Variants in KANK3 observed in about 807,000 individuals in gnomAD.
KANK3 encodes KN motif and ankyrin repeat domain-containing protein 3.
In KANK3, 61 loss-of-function variants were observed where a neutral mutation model predicts 65.4. That is an observed-to-expected ratio of 0.93 (90% CI 0.76 to 1.15). The LOEUF is 1.15. KANK3 is among the 50% of genes most tolerant of loss of function. The pLI is 0.00. For missense variants in KANK3, 1,187 were observed against 1,178.8 expected (o/e 1.01, Z -0.10); for synonymous variants, 586 against 543.3 (o/e 1.08, Z -1.09).
Position 8,334,624 on chromosome 19 carries a change from G to T in KANK3, c.1203C>A (p.Thr401=), listed in dbSNP as rs1187779009. Residue 401 remains threonine, a synonymous_variant, in exon 3 of 11, where the codon ACC becomes ACA. Transcript: ENST00000330915. Reference sequence around the variant, plus strand: ...CGGCACAGCTCCACGGGGTCTGGGTGGTGGCCTCGCGTAGCTGGGCCCGGG... The same window carrying T: ...CGGCACAGCTCCACGGGGTCTGGGTTGTGGCCTCGCGTAGCTGGGCCCGGG... ...AGARAQLREA[T]TQTPWSCAEK... is the part of the protein sequence containing the mutation. 1.3e-6 allele frequency: 2 copies of T among 1,563,976 alleles called. No homozygotes were observed. Among genetic ancestry groups the T allele is most frequent in the Non-Finnish European group, 1.7e-6 (2 of 1,162,730 alleles).
chr19:8,334,865 T>C lies in KANK3; in HGVS notation c.962A>G (p.Glu321Gly). 6.8e-7 allele frequency: 1 copy of C among 1,460,532 alleles called. No individual in the cohort carries two copies. The highest frequency in any genetic ancestry group is 9.0e-7 in the Non-Finnish European group (1 of 1,116,014). 90.5% of individuals were successfully genotyped at this position (1,460,532 alleles called of 1,614,324 possible). ...TREAGAQAVP[E>G]TREAGVEAAP... Reference sequence around the variant, plus strand: ...AGCCTCCACGCCGGCCTCCCGGGTCTCCGGCACGGCCTGGGCACCCGCTTC... The same window carrying C: ...AGCCTCCACGCCGGCCTCCCGGGTCCCCGGCACGGCCTGGGCACCCGCTTC... Residue 321 changes from glutamate to glycine, a missense_variant, in exon 3 of 11, where the codon GAG (glutamate) becomes GGG (glycine). Transcript: ENST00000330915.
At chr19:8,340,473 C>T (rs1039672534) in intron 1 of KANK3, among the ~76,000 whole-genome samples, 1 of 152,062 alleles carries the variant, frequency 6.6e-6, no homozygotes, top group Non-Finnish European at 1.5e-5. Flanking sequence ...GTCAGCAGGT[C>T]CCTGCCACAG....
intron 7 of KANK3, among the ~76,000 whole-genome samples, chr19:8,326,653 C>T (rs1568570994): frequency 1.4e-5 from 2 of 143,372 alleles, no homozygotes; most frequent in South Asian, 4.3e-4. Context: ...AAAAATTAGT[C>T]GGGTGTGGTG....
chr19:8,325,296 C>CTTTTTTTTTTTTTTTTTTTTTTTTTT (rs573315741), intron 7 of KANK3, among the ~76,000 whole-genome samples, 200 bp from the exon 8 acceptor site: 1 of 78,604 alleles, frequency 1.3e-5, no homozygotes, highest in Non-Finnish European at 2.3e-5. Flanking sequence ...CCTGTTTCAT[C>CTTTTTTTTTTTTTTTTTTTTTTTTTT]TTTTTTTTTT....
Position 8,333,011 on chromosome 19 carries a change from G to T in KANK3, c.1936+3C>A, listed in dbSNP as rs759675777. The T allele has an allele frequency of 1.1e-5, 9 of 856,294 alleles. No individual in the cohort carries two copies. The African/African-American group carries it at 1.7e-4, about 16-fold the overall frequency. The allele number at this position is 856,294 out of a possible 1,614,324, so 53.0% of individuals were successfully genotyped here. On this transcript the variant is annotated splice_donor_region_variant and intron_variant, in intron 7 of 10. Transcript: ENST00000330915. The surrounding 1 kb of genome is among the most constrained non-coding windows in gnomAD (Gnocchi z 5.0). ...GTCCCACCCACCCTCCCTTGGCTCT[G>T]ACCCGTATCCAGGAGCAGGCTTGCG...
At position 8,333,741 on chromosome 19, in the gene KANK3, C is replaced by A; in HGVS notation, c.1702G>T (p.Gly568Ter). ...ALQRQLSRPR[G>*]VASDGGAVRL... The stretch of plus-strand genomic sequence containing the variant: ...GCACTCACGCCGTCGCTGGCTACTC[C>A]GCGGGGCCGGCTCAGCTGCCGCTGC... Residue 568 changes from glycine (G) to a stop codon, truncating the protein, a stop_gained, in exon 6 of 11, where the codon GGA becomes TGA. Coordinates refer to ENST00000330915, the MANE Select transcript of KANK3 (RefSeq NM_198471.3). LOFTEE classifies it high-confidence loss of function. The surrounding 1 kb of genome is among the most constrained non-coding windows in gnomAD (Gnocchi z 5.0). 6.8e-7 allele frequency: 1 copy of A among 1,471,186 alleles called. No homozygotes were observed. Among genetic ancestry groups the A allele is most frequent in the Non-Finnish European group, 9.0e-7 (1 of 1,108,054 alleles). The allele number at this position is 1,471,186 out of a possible 1,614,324, so 91.1% of individuals were successfully genotyped here.
chr19:8,332,987 T>TGGCC, intron 7 of KANK3, 27 bp downstream of exon 7: 3 of 395,194 alleles, frequency 7.6e-6, no homozygotes, highest in Non-Finnish European at 1.4e-5. Flanking sequence ...TTTCCTGGTG[T>TGGCC]CCCACCCACC....
rs1317311719 is a variant in KANK3 at position 8,329,190 on chromosome 19, A to T, written c.1936+3824T>A. On this transcript the variant is annotated intron_variant, in intron 7 of 10. Coordinates refer to ENST00000330915, the MANE Select transcript of KANK3 (RefSeq NM_198471.3). ...CATCTCAAAAAAAAAAAAAAAAAGG[A>T]AATTGACAAGTGCCGGCTGGGTGCG... Among the ~76,000 whole-genome samples, 24 of 147,944 alleles carry T rather than the reference A, an allele frequency of 1.6e-4. 1 individual carries two copies. The Admixed American group carries it at 1.6e-3, about 10-fold the overall frequency.
chr19:8,322,914 T>TG lies in KANK3; in HGVS notation c.2390dup (p.Pro798ThrfsTer11), dbSNP rs763566145. 6.5e-6 allele frequency: 10 copies of TG among 1,533,872 alleles called. No individual in the cohort carries two copies. Among genetic ancestry groups the TG allele is most frequent in the Non-Finnish European group, 2.6e-6 (3 of 1,140,072 alleles). On this transcript the variant is annotated frameshift_variant, in exon 11 of 11. Coordinates refer to ENST00000330915, the MANE Select transcript of KANK3 (RefSeq NM_198471.3). LOFTEE classifies it low-confidence loss of function (END_TRUNC). ...GTGTGGCTGTCTGGGAGCCAGGGGG[T>TG]GACTCGCTCTGGAGAGAGGGGAAAA...
intron 7 of KANK3, among the ~76,000 whole-genome samples, chr19:8,326,667 G>C (rs1026922097): frequency 1.1e-4 from 16 of 151,170 alleles, no homozygotes; most frequent in Non-Finnish European, 1.9e-4. Flanking sequence ...TGTGGTGGTG[G>C]GTGCCTGTAG....
At chr19:8,331,955 G>A (rs1003892225) in intron 7 of KANK3, among the ~76,000 whole-genome samples, 2 of 150,532 alleles carry the variant, frequency 1.3e-5, no homozygotes, top group African/African-American at 4.9e-5. Flanking sequence ...GGCAGAACTA[G>A]GGGTATGGTG....
Position 8,333,093 on chromosome 19 carries a change from C to T in KANK3, c.1857G>A (p.Ala619=), listed in dbSNP as rs139637654. The T allele has an allele frequency of 1.1e-4, 174 of 1,613,010 alleles. No homozygotes were observed. In the African/African-American group the frequency reaches 2.1e-3, roughly 19 times the overall value. Residue 619 remains alanine (A), a synonymous_variant, in exon 7 of 11, where the codon GCG becomes GCA. Coordinates refer to ENST00000330915, the MANE Select transcript of KANK3 (RefSeq NM_198471.3). This position sits in a 1 kb window ranked among gnomAD's most constrained non-coding sequence, Gnocchi z 5.0. ...PELLAHVVNL[A]DGNGNTALHY... is the part of the protein sequence containing the mutation. ...GCAGGGCCGTGTTCCCGTTGCCATCCGCCAGGTTCACCACGTGCGCCAGCA... is the reference window on the plus strand; with the variant it reads ...GCAGGGCCGTGTTCCCGTTGCCATCTGCCAGGTTCACCACGTGCGCCAGCA...
chr19:8,326,481 TAA>T (rs369948563), intron 7 of KANK3, among the ~76,000 whole-genome samples: 78 of 119,474 alleles, frequency 6.5e-4, no homozygotes, highest in African/African-American at 2.2e-3. Context: ...CCACCTGTTG[TAA>T]AAAAAAAAAA....
At position 8,334,048 on chromosome 19, in the gene KANK3, G is replaced by A. The variant is rs747587644; in HGVS notation, c.1496C>T (p.Pro499Leu). 1.3e-6 allele frequency: 2 copies of A among 1,541,502 alleles called. No individual in the cohort carries two copies. Among genetic ancestry groups the A allele is most frequent in the African/African-American group, 1.4e-5 (1 of 73,098 alleles). ...DGDSENGGAE[P>L]PGSSSGSGDD... Reference sequence around the variant, plus strand: ...CCCGGAGCCCGAGGAGCTACCCGGGGGCTCGGCGCCACCGTTCTCGCTGTC... The same window carrying A: ...CCCGGAGCCCGAGGAGCTACCCGGGAGCTCGGCGCCACCGTTCTCGCTGTC... The change falls in exon 5 of 11, where the codon CCC becomes CTC. Residue 499 changes from proline to leucine, a missense_variant. Transcript: ENST00000330915.
chr19:8,336,915 G>C (rs879358854), intron 2 of KANK3, among the ~76,000 whole-genome samples: 4 of 152,090 alleles, frequency 2.6e-5, no homozygotes, highest in African/African-American at 9.7e-5. Flanking sequence ...AGTAAAGAAG[G>C]CAGGGGGAAG....
At chr19:8,330,723 C>T (rs1167324521) in intron 7 of KANK3, among the ~76,000 whole-genome samples, 2 of 104,092 alleles carry the variant, frequency 1.9e-5, no homozygotes, top group Admixed American at 9.4e-5. Context: ...GGCGAAACTC[C>T]ATCTCAAAAA....
In KANK3 at chr19:8,325,004, C is replaced by A; in HGVS notation, c.2029G>T (p.Ala677Ser). 6.2e-7 allele frequency: 1 copy of A among 1,609,032 alleles called. No homozygotes were observed. Among genetic ancestry groups the A allele is most frequent in the Non-Finnish European group, 8.5e-7 (1 of 1,178,932 alleles). The change falls in exon 8 of 11, where the codon GCT becomes TCT. Residue 677 changes from alanine (A) to serine (S), a missense_variant. This residue lies in a region of KANK3 where 1,078 missense variants were observed against 1,038.2 expected (regional missense o/e 1.04). Coordinates refer to ENST00000330915, the MANE Select transcript of KANK3 (RefSeq NM_198471.3). Reference sequence around the variant, plus strand: ...ATGCAGAAGAGTCTCTGGACCACAGCCATGTCCTCCTCTTCCTGCCTCACA... The same window carrying A: ...ATGCAGAAGAGTCTCTGGACCACAGACATGTCCTCCTCTTCCTGCCTCACA... ...TSVRQEEEDM[A>S]VVQRLFCMGD...
intron 2 of KANK3, 145 bp from the exon 3 acceptor site, chr19:8,335,937 G>T: frequency 1.8e-6 from 1 of 549,884 alleles, no homozygotes; most frequent in Non-Finnish European, 2.7e-6. Context: ...TGTTTAATGA[G>T]CACCTACTCT....
In KANK3 at chr19:8,334,481, C is replaced by G. The variant is rs1325543542; in HGVS notation, c.1327+19G>C. ...CGGCGCCGAGTAAGCCAGGGCCCAG[C>G]GACGGGGTCGGGACTCACCCGCGGG... is the stretch of plus-strand genomic sequence containing the variant. On this transcript the variant is annotated intron_variant, in intron 3 of 10. Transcript: ENST00000330915. 1.2e-6 allele frequency: 2 copies of G among 1,607,574 alleles called. No homozygotes were observed. Among genetic ancestry groups the G allele is most frequent in the African/African-American group, 1.3e-5 (1 of 74,934 alleles).
Sources: gnomAD v4.1 joint callset for allele counts (sites outside exome capture counted in the v4.1 genomes callset) on GRCh38, gnomAD v4.1.1 for gene constraint, gnomAD v4.1.1 regional missense constraint, Gnocchi (gnomAD v3.1) non-coding constraint, MANE v1.5 for transcripts, NCBI Gene and HGNC (gene_info 2026-07-23, HGNC 2026-07-21) for gene names.